The following MALRD1 variants were observed in gnomAD, a reference collection of about 807,000 sequenced individuals.
MALRD1 encodes MAM and LDL receptor class A domain containing 1, also known as MAM and LDL-receptor class A domain-containing protein 1.
Under a neutral mutation model 242.1 loss-of-function variants are expected in MALRD1, and 247 were observed. That is an observed-to-expected ratio of 1.02 (90% confidence interval 0.92 to 1.13). The LOEUF is 1.13. Ranked by LOEUF, MALRD1 falls within the 50% of genes most tolerant of loss-of-function variation. The pLI, the probability that MALRD1 is intolerant of heterozygous loss-of-function variation, is 0.00. For synonymous variants in MALRD1, 995 were observed against 866.6 expected, an observed-to-expected ratio of 1.15 and a Z score of -2.60; for missense variants, 2,989 against 2,533.1, an observed-to-expected ratio of 1.18 and a Z score of -3.86.
chr10:19,504,445 A>AATTCATTT, intron 31 of MALRD1, among the ~76,000 whole-genome samples: 2 of 152,164 alleles, frequency 1.3e-5, no homozygotes, highest in Non-Finnish European at 2.9e-5. Context: ...TACTTCTACT[A>AATTCATTT]ATTCATTTGC....
At chr10:19,050,389 C>CA (rs1564361145) in intron 1 of MALRD1, among the ~76,000 whole-genome samples, 4 of 148,956 alleles carry the variant, frequency 2.7e-5, no homozygotes, top group Non-Finnish European at 4.5e-5. Context: ...GCCCGGCCTT[C>CA]TTTTTTTTTT....
intron 33 of MALRD1, among the ~76,000 whole-genome samples, chr10:19,584,381 T>A (rs375583103): frequency 6.6e-6 from 1 of 152,128 alleles, no homozygotes; most frequent in Non-Finnish European, 1.5e-5. Flanking sequence ...AATTTCCCTC[T>A]ACACACTGCT....
intron 21 of MALRD1, among the ~76,000 whole-genome samples, chr10:19,323,638 C>T (rs570140308): frequency 2.4e-4 from 36 of 152,236 alleles, no homozygotes; most frequent in African/African-American, 3.6e-4. Flanking sequence ...GACGGAGTTT[C>T]GCTCTAGTTG....
chr10:19,351,745 GA>G (rs1254982872), intron 25 of MALRD1, among the ~76,000 whole-genome samples: 2 of 152,120 alleles, frequency 1.3e-5, no homozygotes, highest in African/African-American at 4.8e-5. Flanking sequence ...GTCACAGAAA[GA>G]AAGTAAACTC....
At chr10:19,250,207 C>A (rs761446599) in intron 18 of MALRD1, among the ~76,000 whole-genome samples, 2 of 151,914 alleles carry the variant, frequency 1.3e-5, no homozygotes, top group Non-Finnish European at 2.9e-5. Flanking sequence ...CTGTTAAAAT[C>A]TTATTATACC....
intron 32 of MALRD1, among the ~76,000 whole-genome samples, chr10:19,552,063 G>C (rs998006093): frequency 2.0e-5 from 3 of 151,768 alleles, no homozygotes; most frequent in African/African-American, 7.3e-5. Context: ...TTTTTTCCTT[G>C]TATCTCTGCC....
intron 36 of MALRD1, among the ~76,000 whole-genome samples, chr10:19,657,010 AT>A (rs1170067459): frequency 6.6e-6 from 1 of 152,216 alleles, no homozygotes; most frequent in African/African-American, 2.4e-5. Flanking sequence ...TACGGATCGA[AT>A]AATATTTTGC....
chr10:19,142,706 T>C (rs1159025523), intron 10 of MALRD1, among the ~76,000 whole-genome samples: 2 of 152,214 alleles, frequency 1.3e-5, no homozygotes, highest in Admixed American at 1.3e-4. Context: ...GAAAGTACTT[T>C]ATTTATAACA....
chr10:19,086,398 A>C (rs1835669977), intron 2 of MALRD1, among the ~76,000 whole-genome samples: 1 of 152,064 alleles, frequency 6.6e-6, no homozygotes, highest in South Asian at 2.1e-4. Flanking sequence ...GAAGCACATG[A>C]AATAGAGTGG....
chr10:19,414,759 C>T (rs940284343), intron 28 of MALRD1, among the ~76,000 whole-genome samples: 1 of 152,030 alleles, frequency 6.6e-6, no homozygotes, highest in Non-Finnish European at 1.5e-5. Context: ...ACTGATTCCC[C>T]CAAGAACTCT....
At chr10:19,550,283 G>T (rs1245486077) in intron 32 of MALRD1, among the ~76,000 whole-genome samples, 4 of 152,030 alleles carry the variant, frequency 2.6e-5, no homozygotes, top group African/African-American at 9.7e-5. Context: ...TTATAATTCA[G>T]TGACATCCAA....
At chr10:19,530,108 A>G (rs1004989346) in intron 31 of MALRD1, among the ~76,000 whole-genome samples, 13 of 151,404 alleles carry the variant, frequency 8.6e-5, no homozygotes, top group African/African-American at 2.7e-4. Flanking sequence ...AATTAATAAG[A>G]GTGTGTCAAT....
chr10:19,490,413 C>T (rs1418811597), intron 29 of MALRD1, among the ~76,000 whole-genome samples: 3 of 149,272 alleles, frequency 2.0e-5, no homozygotes, highest in Non-Finnish European at 3.0e-5. Context: ...ATGTTTTCTG[C>T]ACAAGCGAGT....
intron 5 of MALRD1, among the ~76,000 whole-genome samples, chr10:19,106,801 G>C (rs895809625): frequency 6.6e-6 from 1 of 151,848 alleles, no homozygotes; most frequent in Non-Finnish European, 1.5e-5. Flanking sequence ...TGGTTTTGCT[G>C]TGTTCCTTAA....
At chr10:19,448,657 G>T (rs1835138299) in intron 28 of MALRD1, among the ~76,000 whole-genome samples, 1 of 152,018 alleles carries the variant, frequency 6.6e-6, no homozygotes, top group African/African-American at 2.4e-5. Flanking sequence ...GACTGTTCAT[G>T]TATTAGAATA....
chr10:19,136,708 C>T lies in MALRD1; in HGVS notation c.1338C>T (p.Cys446=), dbSNP rs1833352639. 8.1e-7 allele frequency: 1 copy of T among 1,231,706 alleles called. No individual in the cohort carries two copies. The highest frequency in any genetic ancestry group is 1.0e-6 in the Non-Finnish European group (1 of 987,988). 76.3% of individuals were successfully genotyped at this position (1,231,706 alleles called of 1,614,324 possible). Residue 446 remains cysteine (C), a synonymous_variant, in exon 10 of 40, where the codon TGC becomes TGT. Transcript: ENST00000454679. ...AATTCCCTTGCACTAGTGGCCAGTG[C>T]ATCGCCAAAGAATCTGTCTGTGACT... The part of the protein sequence containing the change: ...ADEFPCTSGQ[C]IAKESVCDSR...
At chr10:19,411,041 A>G (rs1364988646) in intron 28 of MALRD1, among the ~76,000 whole-genome samples, 1 of 152,156 alleles carries the variant, frequency 6.6e-6, no homozygotes, top group African/African-American at 2.4e-5. Context: ...CAGGATTATT[A>G]TAATATGAAA....
At chr10:19,572,381 C>G (rs1033345614) in intron 33 of MALRD1, among the ~76,000 whole-genome samples, 1 of 152,146 alleles carries the variant, frequency 6.6e-6, no homozygotes, top group Admixed American at 6.5e-5. Flanking sequence ...TTTGACAGCA[C>G]TGTTAGGACA....
chr10:19,674,040 C>A (rs1842040796), intron 36 of MALRD1, among the ~76,000 whole-genome samples: 1 of 152,054 alleles, frequency 6.6e-6, no homozygotes, highest in Non-Finnish European at 1.5e-5. Context: ...AGTGGCCTAT[C>A]TTAGACTTGT....
Sources: gnomAD v4.1 joint callset for allele counts (sites outside exome capture counted in the v4.1 genomes callset) on GRCh38, gnomAD v4.1.1 for gene constraint, MANE v1.5 for transcripts, NCBI Gene and HGNC (gene_info 2026-07-23, HGNC 2026-07-21) for gene names.